The following CRACD variants were observed in gnomAD, a reference collection of about 807,000 sequenced individuals.
CRACD encodes capping protein inhibiting regulator of actin dynamics, also known as capping protein-inhibiting regulator of actin dynamics.
A neutral mutation model predicts 106.8 loss-of-function variants in CRACD; 56 were observed. The observed-to-expected ratio is 0.52, with a 90% confidence interval of 0.42 to 0.66. The LOEUF (loss-of-function observed/expected upper bound fraction) is 0.66. CRACD is among the 30% of genes least tolerant of loss of function. The probability of loss-of-function intolerance (pLI) is 0.00; values close to 1 mark genes in which losing one functional copy is unlikely to be tolerated. For synonymous variants in CRACD, 754 were observed against 670.8 expected (o/e 1.12, Z -1.92); for missense variants, 1,730 against 1,623.2 (o/e 1.07, Z -1.13).
intron 4 of CRACD, among the ~76,000 whole-genome samples, chr4:56,299,895 A>AT (rs1209064981): frequency 6.6e-6 from 1 of 152,046 alleles, no homozygotes; most frequent in East Asian, 1.9e-4. Context: ...AGCTACTGAT[A>AT]TGCTGAAGCA....
intron 2 of CRACD, among the ~76,000 whole-genome samples, chr4:56,197,650 A>G (rs1737670738): frequency 1.3e-5 from 2 of 151,896 alleles, no homozygotes; most frequent in African/African-American, 2.4e-5. Flanking sequence ...TACAAAGTCT[A>G]TTAGACCTCT....
chr4:56,309,752 G>A (rs1442897271), intron 5 of CRACD, among the ~76,000 whole-genome samples: 1 of 152,198 alleles, frequency 6.6e-6, no homozygotes, highest in East Asian at 1.9e-4. Context: ...TACTCGGGAG[G>A]TTGAGGCTGC....
chr4:56,196,259 C>T (rs1488798769), intron 2 of CRACD: 2 of 152,638 alleles, frequency 1.3e-5, no homozygotes, highest in African/African-American at 4.8e-5. Flanking sequence ...GGATACAGGA[C>T]AGAATTGATA....
intron 5 of CRACD, among the ~76,000 whole-genome samples, chr4:56,308,294 CATTCCAGCACCATCCTGTCTAA>C (rs33966963): frequency 0.76 from 115,022 of 151,874 alleles, 44,321 homozygotes; most frequent in Middle Eastern, 0.85. Context: ...AAGAAAGTCA[CATTCCAGCACCATCCTGTCTAA>C]ATTTGATCTC....
chr4:56,165,287 C>T (rs188951865), intron 1 of CRACD, among the ~76,000 whole-genome samples: 3 of 152,286 alleles, frequency 2.0e-5, no homozygotes, highest in Admixed American at 6.5e-5. Flanking sequence ...TGGGCACTGA[C>T]GTAGCAGCAA....
intron 2 of CRACD, among the ~76,000 whole-genome samples, chr4:56,199,479 C>T (rs1450384898): frequency 1.3e-4 from 19 of 151,884 alleles, no homozygotes. Context: ...GTCAGGAATT[C>T]AAGACCAGCC....
In CRACD at chr4:56,285,694, C is replaced by T. The variant is rs544030573; in HGVS notation, c.-16-12520C>T. ...CTCCTGACCTCAAGCCATCCTCCCG[C>T]TTTGGTCTCCCAAAGCACTAGGATT... On this transcript the variant is annotated intron_variant, in intron 3 of 10. Transcript: ENST00000682029. 5.3e-5 allele frequency among the ~76,000 whole-genome samples: 8 copies of T among 152,318 alleles called. No individual in the cohort carries two copies. In the South Asian group the frequency reaches 1.2e-3, roughly 24 times the overall value.
chr4:56,306,419 G>A (rs922298827), intron 4 of CRACD, among the ~76,000 whole-genome samples: 6 of 151,988 alleles, frequency 3.9e-5, no homozygotes, highest in African/African-American at 1.2e-4. Flanking sequence ...ACCTGAGCAT[G>A]GGAGAATCAT....
intron 1 of CRACD, among the ~76,000 whole-genome samples, chr4:56,091,741 G>A (rs902259550): frequency 2.0e-5 from 3 of 152,140 alleles, no homozygotes; most frequent in Non-Finnish European, 4.4e-5. Flanking sequence ...TCTGGGAAAC[G>A]AATTTCCATA....
intron 4 of CRACD, among the ~76,000 whole-genome samples, chr4:56,306,563 A>T (rs1310981316): frequency 6.6e-6 from 1 of 152,206 alleles, no homozygotes; most frequent in Non-Finnish European, 1.5e-5. Flanking sequence ...ACATTTCAGA[A>T]AATATATTCT....
intron 2 of CRACD, among the ~76,000 whole-genome samples, chr4:56,245,613 T>C (rs932840919): frequency 1.3e-5 from 2 of 152,160 alleles, no homozygotes; most frequent in Non-Finnish European, 2.9e-5. Flanking sequence ...TTCTAAGGAG[T>C]GTTGCACTAT....
At chr4:56,060,104 G>A (rs1732221158) in intron 1 of CRACD, among the ~76,000 whole-genome samples, 1 of 152,158 alleles carries the variant, frequency 6.6e-6, no homozygotes, top group South Asian at 2.1e-4. Context: ...ATGTTTAAGG[G>A]CATATCCCCT....
intron 1 of CRACD, among the ~76,000 whole-genome samples, chr4:56,099,594 C>T (rs1018705279): frequency 3.3e-5 from 5 of 152,106 alleles, no homozygotes; most frequent in African/African-American, 1.2e-4. Context: ...AGACCTGGCT[C>T]CCATTCCCAT....
intron 2 of CRACD, among the ~76,000 whole-genome samples, chr4:56,243,274 G>A (rs147757659): frequency 5.9e-5 from 9 of 152,300 alleles, no homozygotes; most frequent in South Asian, 2.1e-4. Context: ...CTGTGAGGGA[G>A]CCTCAAACAT....
At position 56,130,571 on chromosome 4, in the gene CRACD, A is replaced by G. The variant is rs1033782746; in HGVS notation, c.-335-48713A>G. 2.6e-5 allele frequency among the ~76,000 whole-genome samples: 4 copies of G among 152,206 alleles called. No homozygotes were observed. In the South Asian group the frequency reaches 8.3e-4, roughly 32 times the overall value. ...TATTTTATTTATCCGTTTATCATCT[A>G]TAATTTCTCTTATTTATCAGAATTA... On this transcript the variant is annotated intron_variant, in intron 1 of 10. Coordinates refer to ENST00000682029, the MANE Select transcript of CRACD (RefSeq NM_001393381.1).
chr4:56,278,761 A>G (rs1742821837), intron 3 of CRACD, among the ~76,000 whole-genome samples: 2 of 152,332 alleles, frequency 1.3e-5, no homozygotes, highest in East Asian at 3.9e-4. Context: ...GTAAAAATAA[A>G]AAACAAAACT....
chr4:56,297,081 G>A (rs1400230379), intron 3 of CRACD, among the ~76,000 whole-genome samples: 5 of 151,968 alleles, frequency 3.3e-5, no homozygotes, highest in East Asian at 1.9e-4. Flanking sequence ...CATCATGCCC[G>A]GCTAATTTTT....
chr4:56,269,740 A>C (rs1178538036), intron 2 of CRACD, among the ~76,000 whole-genome samples: 1 of 151,740 alleles, frequency 6.6e-6, no homozygotes, highest in African/African-American at 2.4e-5. Context: ...TAATTTTGTA[A>C]GTTCCACACT....
intron 2 of CRACD, among the ~76,000 whole-genome samples, chr4:56,233,400 C>T (rs1739761743): frequency 6.6e-6 from 1 of 152,048 alleles, no homozygotes; most frequent in South Asian, 2.1e-4. Context: ...CATCACTGTG[C>T]ATAGGAATAT....
Sources: gnomAD v4.1 joint callset for allele counts (sites outside exome capture counted in the v4.1 genomes callset) on GRCh38, gnomAD v4.1.1 for gene constraint, MANE v1.5 for transcripts, NCBI Gene and HGNC (gene_info 2026-07-23, HGNC 2026-07-21) for gene names.